ZNF609: variants seen among roughly 807,000 people sequenced by gnomAD.
The protein encoded by ZNF609 is zinc finger protein 609.
ZNF609 carries 11 observed loss-of-function variants against 109.5 expected under a neutral mutation model. The observed-to-expected ratio is 0.10, with a 90% CI of 0.06 to 0.17. The LOEUF (loss-of-function observed/expected upper bound fraction) is 0.17. ZNF609 is among the 10% of genes least tolerant of loss of function. The pLI is 1.00. For synonymous variants in ZNF609, 646 were observed against 662.0 expected, an observed-to-expected ratio of 0.98 and a Z score of 0.37; for missense variants, 1,559 against 1,772.4, an observed-to-expected ratio of 0.88 and a Z score of 2.16.
At chr15:64,656,713 C>A (rs1032909056) in intron 3 of ZNF609, among the ~76,000 whole-genome samples, 1 of 151,554 alleles carries the variant, frequency 6.6e-6, no homozygotes. Flanking sequence ...TTCCTCCCTT[C>A]CTTCCTCTTT....
chr15:64,653,981 A>G (rs923012500), intron 3 of ZNF609: 1 of 152,214 alleles, frequency 6.6e-6, no homozygotes, highest in Non-Finnish European at 1.5e-5. Flanking sequence ...CTCCAGCACC[A>G]TCTAGAGGAA....
At chr15:64,643,466 T>C (rs1329527715) in intron 3 of ZNF609, among the ~76,000 whole-genome samples, 1 of 152,144 alleles carries the variant, frequency 6.6e-6, no homozygotes, top group Non-Finnish European at 1.5e-5. Flanking sequence ...AATATGTCTG[T>C]CATTCTCCTT....
chr15:64,530,599 C>G (rs1371593452), intron 2 of ZNF609, among the ~76,000 whole-genome samples: 3 of 152,168 alleles, frequency 2.0e-5, no homozygotes, highest in Non-Finnish European at 2.9e-5. Flanking sequence ...CTAGTATTTT[C>G]TGTGTGGTCT....
At chr15:64,596,053 G>C (rs1895391957) in intron 2 of ZNF609, among the ~76,000 whole-genome samples, 1 of 152,124 alleles carries the variant, frequency 6.6e-6, no homozygotes, top group Non-Finnish European at 1.5e-5. Context: ...CATTCCCTCA[G>C]CCTCTTGAGC....
chr15:64,661,757 C>T (rs1184628988), intron 3 of ZNF609, among the ~76,000 whole-genome samples: 2 of 152,108 alleles, frequency 1.3e-5, no homozygotes, highest in African/African-American at 4.8e-5. Flanking sequence ...GCTGCCAACC[C>T]AGGAGTGGAC....
chr15:64,659,699 GAAT>G (rs1896545761), intron 3 of ZNF609, among the ~76,000 whole-genome samples: 1 of 152,104 alleles, frequency 6.6e-6, no homozygotes, highest in South Asian at 2.1e-4. Flanking sequence ...ATTGTATCTA[GAAT>G]AATGACCCTG....
chr15:64,580,884 G>A (rs1181176600), intron 2 of ZNF609, among the ~76,000 whole-genome samples: 4 of 148,660 alleles, frequency 2.7e-5, no homozygotes, highest in Admixed American at 6.7e-5. Flanking sequence ...GTTTTTTAAT[G>A]GATAGTTTTG....
rs540593431 is a variant in ZNF609 at position 64,576,873 on chromosome 15, C to CAT, written c.748-45946_748-45945dup. On this transcript the variant is annotated intron_variant, in intron 2 of 9. Transcript: ENST00000326648. ...TGAACTGAAGGCCCATTTTAAGAAT[C>CAT]ATATATATACACATATAAATATATA... Among the ~76,000 whole-genome samples, 311 of 136,644 alleles carry CAT rather than the reference C, an allele frequency of 2.3e-3. 1 individual carries two copies. The highest frequency in any genetic ancestry group is 8.3e-3 in the African/African-American group (303 of 36,326). 89.6% of individuals were successfully genotyped at this position (136,644 alleles called of 152,430 possible). A position where few individuals can be genotyped will look rare whatever the true frequency, so the allele number is the denominator to read the frequency against.
chr15:64,484,934 ACTGC>A (rs1297730038), intron 1 of ZNF609, among the ~76,000 whole-genome samples: 4 of 152,216 alleles, frequency 2.6e-5, no homozygotes, highest in African/African-American at 9.7e-5. Flanking sequence ...AGATTGCGCC[ACTGC>A]ACTCCAGCTT....
At chr15:64,680,496 ATCT>A in intron 7 of ZNF609, 136 bp downstream of exon 7, 1 of 1,311,114 alleles carries the variant, frequency 7.6e-7, no homozygotes, top group Non-Finnish European at 1.1e-6. Flanking sequence ...CCCCCAGGGC[ATCT>A]TCTTTATTCT....
At chr15:64,679,876 A>G (rs1355983795) in intron 6 of ZNF609, among the ~76,000 whole-genome samples, 3 of 152,336 alleles carry the variant, frequency 2.0e-5, no homozygotes, top group East Asian at 3.9e-4. Context: ...CTGACTCCAG[A>G]TAAGTGTGAT....
intron 1 of ZNF609, among the ~76,000 whole-genome samples, chr15:64,467,145 CAG>C (rs1309294549): frequency 6.6e-6 from 1 of 152,202 alleles, no homozygotes; most frequent in Non-Finnish European, 1.5e-5. Context: ...GTCCATCACT[CAG>C]GGGCAAACCT....
At chr15:64,610,683 C>G (rs1338592360) in intron 2 of ZNF609, among the ~76,000 whole-genome samples, 1 of 152,010 alleles carries the variant, frequency 6.6e-6, no homozygotes, top group African/African-American at 2.4e-5. Context: ...TTTCCATGAC[C>G]AGAAAGTTTT....
chr15:64,515,162 T>C (rs895894260), intron 2 of ZNF609, among the ~76,000 whole-genome samples: 1 of 152,152 alleles, frequency 6.6e-6, no homozygotes, highest in Non-Finnish European at 1.5e-5. Flanking sequence ...GGGTACAGCA[T>C]TGTATGTATC....
At chr15:64,657,579 A>G (rs1896509798) in intron 3 of ZNF609, among the ~76,000 whole-genome samples, 1 of 152,152 alleles carries the variant, frequency 6.6e-6, no homozygotes. Context: ...GCGCTACTGC[A>G]CCCCAGCCTG....
intron 2 of ZNF609, among the ~76,000 whole-genome samples, chr15:64,548,340 T>A (rs1894402492): frequency 6.6e-6 from 1 of 152,214 alleles, no homozygotes; most frequent in South Asian, 2.1e-4. Context: ...TGAATAATTT[T>A]ACTCGTGTAC....
At chr15:64,550,853 A>G (rs932621048) in intron 2 of ZNF609, among the ~76,000 whole-genome samples, 1 of 152,000 alleles carries the variant, frequency 6.6e-6, no homozygotes, top group East Asian at 1.9e-4. Flanking sequence ...AAAAAAAAAA[A>G]AAAGAAACAT....
At chr15:64,594,499 A>C (rs1567023892) in intron 2 of ZNF609, among the ~76,000 whole-genome samples, 1 of 147,786 alleles carries the variant, frequency 6.8e-6, no homozygotes, top group African/African-American at 2.5e-5. Context: ...CATCTGGCTA[A>C]TTTTTTTTTT....
At chr15:64,461,249 A>G (rs1892936600) in intron 1 of ZNF609, among the ~76,000 whole-genome samples, 2 of 148,548 alleles carry the variant, frequency 1.3e-5, no homozygotes, top group African/African-American at 2.5e-5. Flanking sequence ...GTGGTTGTTC[A>G]GAGCATAGGG....
Sources: allele counts gnomAD v4.1 joint callset (sites outside exome capture counted in the v4.1 genomes callset), GRCh38; gene constraint gnomAD v4.1.1; transcripts MANE v1.5; gene names NCBI Gene and HGNC (gene_info 2026-07-23, HGNC 2026-07-21).